KYNU: variants seen among roughly 807,000 people sequenced by gnomAD.
KYNU encodes the protein L-kynurenine hydrolase.
Under a neutral mutation model 59.2 loss-of-function variants are expected in KYNU, and 54 were observed. The ratio of observed to expected loss-of-function variants is 0.91; its 90% CI spans 0.73 to 1.14. KYNU has a LOEUF of 1.14. Among genes scored for constraint, KYNU ranks in the 50% most tolerant of loss-of-function variants. KYNU has a pLI of 0.00. For synonymous variants in KYNU, 177 were observed against 192.0 expected, an observed-to-expected ratio of 0.92 and a Z score of 0.65; for missense variants, 567 against 554.4, an observed-to-expected ratio of 1.02 and a Z score of -0.23.
At chr2:142,979,432 G>T (rs1338355712) in intron 8 of KYNU, among the ~76,000 whole-genome samples, 2 of 152,082 alleles carry the variant, frequency 1.3e-5, no homozygotes, top group Admixed American at 6.6e-5. Flanking sequence ...TTAGAAAATT[G>T]TTACAAGAGA....
Position 143,045,585 on chromosome 2 carries a change from T to A in KYNU, c.*3413T>A, listed in dbSNP as rs567635526. 2 of 152,234 alleles carry A rather than the reference T, an allele frequency of 1.3e-5. No homozygotes were observed. The highest frequency in any genetic ancestry group is 4.1e-4 in the South Asian group (2 of 4,832). The allele number at this position is 152,234 out of a possible 1,614,324, so 9.4% of individuals were successfully genotyped here. ...TTGTATTCCTAGGTATTTTATTCTC[T>A]TTGCAGCAATTGTGAATGGGAGTTC... On this transcript the variant is annotated 3_prime_UTR_variant, in exon 14 of 14. Coordinates refer to ENST00000264170, the MANE Select transcript of KYNU (RefSeq NM_003937.3).
At chr2:142,930,023 CCACT>C (rs1240119547) in intron 4 of KYNU, among the ~76,000 whole-genome samples, 1 of 152,144 alleles carries the variant, frequency 6.6e-6, no homozygotes, top group Non-Finnish European at 1.5e-5. Context: ...CTTTGTAGGG[CCACT>C]CAAAGTATGT....
chr2:142,960,157 G>T (rs1158511704), intron 7 of KYNU, among the ~76,000 whole-genome samples: 1 of 152,174 alleles, frequency 6.6e-6, no homozygotes, highest in Non-Finnish European at 1.5e-5. Flanking sequence ...AAAGTGCCAG[G>T]ATTACAGGCG....
intron 8 of KYNU, among the ~76,000 whole-genome samples, chr2:142,973,434 C>T (rs1010231394): frequency 1.3e-5 from 2 of 152,150 alleles, no homozygotes; most frequent in Admixed American, 6.5e-5. Context: ...AGGGAAGCCC[C>T]AATACACTGG....
chr2:143,017,962 T>C (rs1413644819), intron 10 of KYNU, among the ~76,000 whole-genome samples: 1 of 151,262 alleles, frequency 6.6e-6, no homozygotes, highest in Non-Finnish European at 1.5e-5. Context: ...GAAGCATCTG[T>C]TCATGTATTT....
At chr2:143,033,581 A>G (rs1342562696) in intron 12 of KYNU, among the ~76,000 whole-genome samples, 1 of 152,188 alleles carries the variant, frequency 6.6e-6, no homozygotes, top group East Asian at 1.9e-4. Flanking sequence ...TTTTGGGGAG[A>G]TACGTTTTTT....
chr2:143,007,478 ACT>A (rs1427381115), intron 10 of KYNU, among the ~76,000 whole-genome samples: 7 of 127,342 alleles, frequency 5.5e-5, no homozygotes, highest in South Asian at 2.9e-4. Flanking sequence ...GTTGGAAAAC[ACT>A]CTGCAGGATA....
chr2:142,983,949 C>A (rs1335264618), intron 8 of KYNU, among the ~76,000 whole-genome samples: 1 of 151,930 alleles, frequency 6.6e-6, no homozygotes, highest in East Asian at 1.9e-4. Context: ...AGAAAATAGG[C>A]ACTCATGAAG....
At chr2:142,966,733 C>G (rs988017335) in intron 8 of KYNU, among the ~76,000 whole-genome samples, 2 of 151,944 alleles carry the variant, frequency 1.3e-5, no homozygotes, top group African/African-American at 4.8e-5. Context: ...GGAAAATAAT[C>G]GTGCCAACTT....
Position 142,885,413 on chromosome 2 carries a change from A to G in KYNU, c.46A>G (p.Ile16Val). ...LELPADTVQR[I>V]AAELKCHPTD... The stretch of plus-strand genomic sequence containing the variant: ...GCTGCCGGCTGACACAGTGCAGCGC[A>G]TTGCGGCTGAACTCAAATGCCACCC... The change falls in exon 2 of 14, where the codon ATT (isoleucine) becomes GTT (valine). Residue 16 changes from isoleucine to valine, a missense_variant. By Grantham distance (29) the Ile-to-Val change is conservative. Transcript: ENST00000264170. 2 of 1,614,014 alleles carry G rather than the reference A, an allele frequency of 1.2e-6. No homozygotes were observed. The highest frequency in any genetic ancestry group is 1.3e-5 in the African/African-American group (1 of 75,034).
chr2:142,902,174 C>T (rs1212149011), intron 2 of KYNU, among the ~76,000 whole-genome samples: 1 of 152,160 alleles, frequency 6.6e-6, no homozygotes, highest in Non-Finnish European at 1.5e-5. Flanking sequence ...CTGCAACTGC[C>T]GCCACTACCC....
intron 4 of KYNU, among the ~76,000 whole-genome samples, chr2:142,932,588 T>C (rs912060224): frequency 1.3e-5 from 2 of 152,144 alleles, no homozygotes; most frequent in African/African-American, 4.8e-5. Flanking sequence ...AACCCCGTTT[T>C]TTCCAGGTAG....
At chr2:142,884,886 A>G (rs533561233) in intron 1 of KYNU, among the ~76,000 whole-genome samples, 2 of 145,948 alleles carry the variant, frequency 1.4e-5, no homozygotes, top group South Asian at 4.4e-4. Flanking sequence ...CAACCTCAGG[A>G]ATAATATACT....
Position 143,033,331 on chromosome 2 carries a change from G to A in KYNU, c.1041+10G>A. 1 of 1,599,518 alleles carries A rather than the reference G, an allele frequency of 6.3e-7. No individual in the cohort carries two copies. The highest frequency in any genetic ancestry group is 1.1e-5 in the South Asian group (1 of 90,772). On this transcript the variant is annotated intron_variant, in intron 12 of 13. Transcript: ENST00000264170. ...GCATGCTAGTTTAGAGGTAAGTGAT[G>A]TGTGTTTCAACCTTCCCACATCTTT... is the stretch of plus-strand genomic sequence containing the variant.
At chr2:142,914,382 T>C (rs573790788) in intron 2 of KYNU, among the ~76,000 whole-genome samples, 1 of 152,244 alleles carries the variant, frequency 6.6e-6, no homozygotes, top group African/African-American at 2.4e-5. Flanking sequence ...TAGCATTTAC[T>C]CACCACTTTG....
At chr2:142,927,396 G>C (rs1325675230) in intron 3 of KYNU, among the ~76,000 whole-genome samples, 1 of 151,884 alleles carries the variant, frequency 6.6e-6, no homozygotes, top group African/African-American at 2.4e-5. Flanking sequence ...TTAGACTCTA[G>C]AATATAGCAA....
chr2:142,912,703 CTTTTTTTT>C (rs1163302368), intron 2 of KYNU, among the ~76,000 whole-genome samples: 21 of 71,874 alleles, frequency 2.9e-4, no homozygotes, highest in African/African-American at 1.2e-3. Flanking sequence ...TTCTTTCTTC[CTTTTTTTT>C]TTTTTTTTTT....
At chr2:142,930,841 G>T (rs889051983) in intron 4 of KYNU, among the ~76,000 whole-genome samples, 1 of 152,216 alleles carries the variant, frequency 6.6e-6, no homozygotes, top group Non-Finnish European at 1.5e-5. Flanking sequence ...TAGTTGTAAG[G>T]TTTCTGTATC....
intron 10 of KYNU, among the ~76,000 whole-genome samples, chr2:143,011,817 A>G (rs1220052412): frequency 1.5e-5 from 2 of 131,574 alleles, no homozygotes; most frequent in African/African-American, 6.0e-5. Flanking sequence ...ACAAGAACAA[A>G]AAACCAAACA....
Sources: allele counts gnomAD v4.1 joint callset (sites outside exome capture counted in the v4.1 genomes callset), GRCh38; gene constraint gnomAD v4.1.1; transcripts MANE v1.5; gene names NCBI Gene and HGNC (gene_info 2026-07-23, HGNC 2026-07-21).